TBC1D5: variants seen among roughly 807,000 people sequenced by gnomAD.
TBC1D5 encodes the protein TBC1 domain family member 5, also known as TBC1 domain family, member 5.
In TBC1D5, 75 loss-of-function variants were observed where a neutral mutation model predicts 100.3. That is an observed-to-expected ratio of 0.75 (90% confidence interval 0.62 to 0.91). The LOEUF (loss-of-function observed/expected upper bound fraction) is 0.91. TBC1D5 is among the 40% of genes least tolerant of loss of function. The probability of loss-of-function intolerance (pLI) is 0.00; values close to 1 mark genes in which losing one functional copy is unlikely to be tolerated. For missense variants in TBC1D5, 910 were observed against 942.4 expected, an observed-to-expected ratio of 0.97 and a Z score of 0.45; for synonymous variants, 323 against 325.6, an observed-to-expected ratio of 0.99 and a Z score of 0.09.
At chr3:17,486,885 T>C (rs2150437526) in intron 3 of TBC1D5, among the ~76,000 whole-genome samples, 1 of 152,330 alleles carries the variant, frequency 6.6e-6, no homozygotes, top group South Asian at 2.1e-4. Flanking sequence ...AGCAAGTGCT[T>C]GCCTTTGTTT....
At chr3:17,699,515 C>T (rs1469657906) in intron 1 of TBC1D5, among the ~76,000 whole-genome samples, 3 of 129,532 alleles carry the variant, frequency 2.3e-5, no homozygotes. Flanking sequence ...GCACATTGTG[C>T]ACATGTACCC....
At chr3:17,557,707 T>C (rs1029733066) in intron 2 of TBC1D5, among the ~76,000 whole-genome samples, 2 of 152,132 alleles carry the variant, frequency 1.3e-5, no homozygotes, top group South Asian at 2.1e-4. Context: ...CATGCAACCA[T>C]GCCCAATTAA....
At chr3:17,563,613 A>C (rs2096573495) in intron 2 of TBC1D5, among the ~76,000 whole-genome samples, 1 of 152,258 alleles carries the variant, frequency 6.6e-6, no homozygotes, top group Non-Finnish European at 1.5e-5. Context: ...TTAAGATTTC[A>C]AAACAGTATC....
chr3:17,637,754 A>G (rs1254975358), intron 1 of TBC1D5, among the ~76,000 whole-genome samples: 1 of 152,204 alleles, frequency 6.6e-6, no homozygotes, highest in African/African-American at 2.4e-5. Context: ...GGCCATTCAT[A>G]TGTTATCACG....
chr3:17,595,103 T>A (rs1431942102), intron 2 of TBC1D5, among the ~76,000 whole-genome samples: 2 of 152,150 alleles, frequency 1.3e-5, no homozygotes, highest in African/African-American at 4.8e-5. Context: ...GCTAGATGCT[T>A]CTTGCCCTTG....
chr3:17,335,855 G>A lies in TBC1D5; in HGVS notation c.996-27721C>T, dbSNP rs537483326. 3.3e-5 allele frequency among the ~76,000 whole-genome samples: 5 copies of A among 152,172 alleles called. No individual in the cohort carries two copies. In the South Asian group the frequency reaches 1.0e-3, roughly 32 times the overall value. On this transcript the variant is annotated intron_variant, in intron 13 of 21. Transcript: ENST00000253692. ...TCATAATTACTGGAGGTCTTATGTT[G>A]GCACAGTGAGCTGCTATGAGTTTTA...
chr3:17,308,766 G>T lies in TBC1D5; in HGVS notation c.996-632C>A, dbSNP rs569849817. Among the ~76,000 whole-genome samples, 150 of 152,082 alleles carry T rather than the reference G, an allele frequency of 9.9e-4. 1 individual carries two copies. The highest frequency in any genetic ancestry group is 3.5e-3 in the African/African-American group (145 of 41,506). ...CCTGATCAGTAAGGCTACCTTTCGA[G>T]GAGTGTTTTTCAAACTTACTTCTAT... On this transcript the variant is annotated intron_variant, in intron 13 of 21. Transcript: ENST00000253692.
chr3:17,403,328 G>T (rs570626715), intron 7 of TBC1D5, 80 bp from the exon 8 acceptor site: 2 of 959,210 alleles, frequency 2.1e-6, no homozygotes, highest in African/African-American at 1.7e-5. Flanking sequence ...TAATGTAAAT[G>T]GTTAAAATTT....
At chr3:17,686,366 T>C (rs897668214) in intron 1 of TBC1D5, among the ~76,000 whole-genome samples, 13 of 152,130 alleles carry the variant, frequency 8.5e-5, no homozygotes, top group African/African-American at 3.1e-4. Flanking sequence ...GCTGTTCCCA[T>C]AGAAATAATA....
intron 3 of TBC1D5, among the ~76,000 whole-genome samples, chr3:17,466,162 G>A (rs1287309105): frequency 6.6e-6 from 1 of 152,080 alleles, no homozygotes; most frequent in African/African-American, 2.4e-5. Context: ...TAGAGATACC[G>A]CTATAGTCAC....
intron 2 of TBC1D5, among the ~76,000 whole-genome samples, chr3:17,549,883 T>G (rs1022952680): frequency 6.6e-6 from 1 of 151,772 alleles, no homozygotes; most frequent in East Asian, 1.9e-4. Flanking sequence ...TGAGCCAAGA[T>G]TGAGCCACTG....
chr3:17,487,430 TTGCTC>T (rs2095583800), intron 3 of TBC1D5, among the ~76,000 whole-genome samples: 1 of 152,190 alleles, frequency 6.6e-6, no homozygotes, highest in African/African-American at 2.4e-5. Flanking sequence ...GAAAAGCACT[TTGCTC>T]ACTAATTAAC....
chr3:17,485,070 AT>A (rs2095545794), intron 3 of TBC1D5, among the ~76,000 whole-genome samples: 1 of 152,158 alleles, frequency 6.6e-6, no homozygotes, highest in Non-Finnish European at 1.5e-5. Context: ...ATTTTGAACT[AT>A]GATACTATTA....
At chr3:17,362,136 A>G (rs1355643358) in intron 13 of TBC1D5, among the ~76,000 whole-genome samples, 1 of 152,182 alleles carries the variant, frequency 6.6e-6, no homozygotes, top group Non-Finnish European at 1.5e-5. Flanking sequence ...CCTTACATAA[A>G]AATTAAGCCA....
chr3:17,652,776 C>A (rs566103874), intron 1 of TBC1D5, among the ~76,000 whole-genome samples: 1 of 152,158 alleles, frequency 6.6e-6, no homozygotes, highest in East Asian at 1.9e-4. Flanking sequence ...CAAATGAAAG[C>A]CAGAAGAATT....
intron 1 of TBC1D5, among the ~76,000 whole-genome samples, chr3:17,683,557 G>A (rs529751978): frequency 6.6e-6 from 1 of 152,200 alleles, no homozygotes; most frequent in South Asian, 2.1e-4. Flanking sequence ...TAAATATTTA[G>A]AGGAAAATAC....
intron 3 of TBC1D5, among the ~76,000 whole-genome samples, chr3:17,440,633 T>TTTTTG (rs980170129): frequency 4.6e-5 from 7 of 151,938 alleles, no homozygotes; most frequent in South Asian, 2.1e-4. Context: ...ACATATACAT[T>TTTTTG]TTTTGTTTTG....
At chr3:17,565,489 A>C (rs1321057016) in intron 2 of TBC1D5, among the ~76,000 whole-genome samples, 1 of 152,130 alleles carries the variant, frequency 6.6e-6, no homozygotes, top group African/African-American at 2.4e-5. Context: ...ATTGAAATAA[A>C]AGTCTTTCCA....
At chr3:17,601,435 C>T (rs927271658) in intron 2 of TBC1D5, among the ~76,000 whole-genome samples, 4 of 152,164 alleles carry the variant, frequency 2.6e-5, no homozygotes, top group Non-Finnish European at 4.4e-5. Flanking sequence ...CGCTTGAATC[C>T]GGGAGGCGGA....
Sources: gnomAD v4.1 joint callset for allele counts (sites outside exome capture counted in the v4.1 genomes callset) on GRCh38, gnomAD v4.1.1 for gene constraint, MANE v1.5 for transcripts, NCBI Gene and HGNC (gene_info 2026-07-23, HGNC 2026-07-21) for gene names.